The following ADIPOR2 variants were observed in gnomAD, a reference collection of about 807,000 sequenced individuals.
The protein encoded by ADIPOR2 is adiponectin receptor protein 2.
Under a neutral mutation model 40.9 loss-of-function variants are expected in ADIPOR2, and 18 were observed. The ratio of observed to expected loss-of-function variants is 0.44; its 90% CI spans 0.30 to 0.65. ADIPOR2 has a LOEUF of 0.65. Among genes scored for constraint, ADIPOR2 ranks in the 30% least tolerant of loss-of-function variants. The probability of loss-of-function intolerance (pLI) is 0.09; values close to 1 mark genes in which losing one functional copy is unlikely to be tolerated. For missense variants in ADIPOR2, 283 were observed against 479.2 expected (o/e 0.59, Z 3.82); for synonymous variants, 165 against 166.4 (o/e 0.99, Z 0.06).
chr12:1,780,776 G>T, intron 5 of ADIPOR2, 113 bp from the exon 6 acceptor site: 1 of 1,363,742 alleles, frequency 7.3e-7, no homozygotes, highest in Non-Finnish European at 9.8e-7. Context: ...GAGCAACCCA[G>T]TTTGGCTCTT....
At chr12:1,711,297 A>C (rs1263235159) in intron 1 of ADIPOR2, among the ~76,000 whole-genome samples, 1 of 152,148 alleles carries the variant, frequency 6.6e-6, no homozygotes, top group Admixed American at 6.5e-5. Flanking sequence ...TAAATCTGCT[A>C]TTCCAATTCC....
chr12:1,714,207 T>A (rs964184718), intron 1 of ADIPOR2, among the ~76,000 whole-genome samples: 1 of 152,120 alleles, frequency 6.6e-6, no homozygotes, highest in African/African-American at 2.4e-5. Context: ...GCCTGCTCCA[T>A]TTTCTGTCCT....
chr12:1,712,449 G>A (rs555486831), intron 1 of ADIPOR2, among the ~76,000 whole-genome samples: 3 of 152,112 alleles, frequency 2.0e-5, no homozygotes, highest in South Asian at 2.1e-4. Context: ...GATATAAGAC[G>A]GCCACTGCTG....
intron 1 of ADIPOR2, among the ~76,000 whole-genome samples, chr12:1,713,759 C>A (rs2094682233): frequency 6.6e-6 from 1 of 152,064 alleles, no homozygotes; most frequent in Non-Finnish European, 1.5e-5. Context: ...GGGAGAAATA[C>A]CTGGTTACAG....
At chr12:1,756,988 T>TTA (rs1342861147) in intron 2 of ADIPOR2, among the ~76,000 whole-genome samples, 1 of 151,948 alleles carries the variant, frequency 6.6e-6, no homozygotes, top group Non-Finnish European at 1.5e-5. Context: ...TCAAGATTCT[T>TTA]GTTAGATATC....
intron 1 of ADIPOR2, chr12:1,695,868 T>TA (rs930261890): frequency 6.6e-6 from 1 of 152,114 alleles, no homozygotes; most frequent in Non-Finnish European, 1.5e-5. Context: ...TTTTTTTTTT[T>TA]AAGTGTATCT....
chr12:1,716,089 C>T (rs556133664), intron 1 of ADIPOR2, among the ~76,000 whole-genome samples: 6 of 152,206 alleles, frequency 3.9e-5, no homozygotes, highest in Non-Finnish European at 7.3e-5. Context: ...CGAAGTTCTG[C>T]GGCTTCATTC....
chr12:1,720,110 C>T (rs2094694982), intron 1 of ADIPOR2, among the ~76,000 whole-genome samples: 1 of 152,148 alleles, frequency 6.6e-6, no homozygotes, highest in Non-Finnish European at 1.5e-5. Context: ...TAAGTTGTGA[C>T]ATATGCTATA....
intron 7 of ADIPOR2, among the ~76,000 whole-genome samples, chr12:1,784,498 A>G (rs1413854929): frequency 6.6e-6 from 1 of 152,228 alleles, no homozygotes; most frequent in Non-Finnish European, 1.5e-5. Flanking sequence ...TCATTTTGCC[A>G]TTCTTTGTCT....
At chr12:1,766,056 A>G (rs890522604) in intron 2 of ADIPOR2, among the ~76,000 whole-genome samples, 6 of 152,204 alleles carry the variant, frequency 3.9e-5, no homozygotes, top group African/African-American at 1.2e-4. Flanking sequence ...TTGAGAAGAC[A>G]TAGTTTTTGC....
At chr12:1,724,111 G>C (rs2094703202) in intron 1 of ADIPOR2, among the ~76,000 whole-genome samples, 1 of 151,684 alleles carries the variant, frequency 6.6e-6, no homozygotes, top group South Asian at 2.1e-4. Flanking sequence ...CCTCCCTAGT[G>C]GCTGGGATTA....
chr12:1,759,855 T>C (rs1310036323), intron 2 of ADIPOR2, among the ~76,000 whole-genome samples: 1 of 151,894 alleles, frequency 6.6e-6, no homozygotes, highest in Non-Finnish European at 1.5e-5. Context: ...TGAAACCCCG[T>C]CTCTACGAAA....
rs1301624468 is a variant in ADIPOR2 at position 1,783,370 on chromosome 12, A to G, written c.839-510A>G. On this transcript the variant is annotated intron_variant, in intron 6 of 7. Transcript: ENST00000357103. Reference sequence around the variant, plus strand: ...ACCCTTGAAGACTGCTGACTTACTAAGCTAAGCCTCTCTTAGTGAGGCTCA... The same window carrying G: ...ACCCTTGAAGACTGCTGACTTACTAGGCTAAGCCTCTCTTAGTGAGGCTCA... Among the ~76,000 whole-genome samples, 3 of 151,482 alleles carry G rather than the reference A, an allele frequency of 2.0e-5. No individual in the cohort carries two copies. The East Asian group carries it at 5.9e-4, about 30-fold the overall frequency.
chr12:1,695,010 A>C (rs1306440550), intron 1 of ADIPOR2, among the ~76,000 whole-genome samples: 1 of 94,912 alleles, frequency 1.1e-5, no homozygotes, highest in Non-Finnish European at 2.4e-5. Flanking sequence ...TTTGTGTTGC[A>C]GTTTTTTTTT....
chr12:1,751,890 G>A (rs1371827237), intron 1 of ADIPOR2, among the ~76,000 whole-genome samples: 2 of 151,502 alleles, frequency 1.3e-5, no homozygotes, highest in African/African-American at 2.4e-5. Flanking sequence ...GAAAAGTTTG[G>A]TGTGCTGATA....
chr12:1,727,570 C>T (rs1223404843), intron 1 of ADIPOR2, among the ~76,000 whole-genome samples: 1 of 152,144 alleles, frequency 6.6e-6, no homozygotes, highest in Admixed American at 6.5e-5. Context: ...TCTGAAGCCA[C>T]ATGTGCTCCC....
chr12:1,764,688 G>A (rs1862339494), intron 2 of ADIPOR2, among the ~76,000 whole-genome samples: 1 of 151,916 alleles, frequency 6.6e-6, no homozygotes, highest in South Asian at 2.1e-4. Context: ...CCTCCTCATA[G>A]TAACTGCCTA....
intron 1 of ADIPOR2, among the ~76,000 whole-genome samples, chr12:1,722,516 G>A (rs1276875948): frequency 1.3e-5 from 2 of 152,194 alleles, no homozygotes; most frequent in African/African-American, 4.8e-5. Flanking sequence ...ACCTTGACAA[G>A]TGTGGTCTTA....
At chr12:1,750,296 T>C (rs1452327458) in intron 1 of ADIPOR2, among the ~76,000 whole-genome samples, 2 of 151,874 alleles carry the variant, frequency 1.3e-5, no homozygotes, top group Non-Finnish European at 2.9e-5. Context: ...CAGTGGCTTA[T>C]ACCTTTAATC....
Sources: gnomAD v4.1 joint callset for allele counts (sites outside exome capture counted in the v4.1 genomes callset) on GRCh38, gnomAD v4.1.1 for gene constraint, MANE v1.5 for transcripts, NCBI Gene and HGNC (gene_info 2026-07-23, HGNC 2026-07-21) for gene names.